TFG: variants seen among roughly 807,000 people sequenced by gnomAD.
TFG encodes the protein protein TFG.
In TFG, 22 loss-of-function variants were observed where a neutral mutation model predicts 51.4. That is an observed-to-expected ratio of 0.43 (90% confidence interval 0.31 to 0.61). The LOEUF is 0.61. TFG is among the 20% of genes least tolerant of loss of function. The pLI, the probability that TFG is intolerant of heterozygous loss-of-function variation, is 0.12. For synonymous variants in TFG, 187 were observed against 165.6 expected (o/e 1.13, Z -0.99); for missense variants, 419 against 487.7 (o/e 0.86, Z 1.33).
intron 3 of TFG, among the ~76,000 whole-genome samples, chr3:100,724,738 C>G (rs952366364): frequency 1.3e-5 from 2 of 152,208 alleles, no homozygotes; most frequent in African/African-American, 4.8e-5. Flanking sequence ...TTAAACACAC[C>G]AGTGTCAAAA....
intron 3 of TFG, among the ~76,000 whole-genome samples, chr3:100,726,504 T>G (rs2095076376): frequency 6.6e-6 from 1 of 152,220 alleles, no homozygotes; most frequent in Non-Finnish European, 1.5e-5. Context: ...CTTAATTAAT[T>G]TAAACTTAGC....
At chr3:100,743,685 C>T (rs1279258168) in intron 6 of TFG, 1 of 152,010 alleles carries the variant, frequency 6.6e-6, no homozygotes, top group East Asian at 1.9e-4. Flanking sequence ...GCACTAAAAA[C>T]TTAGACACGT....
At position 100,713,641 on chromosome 3, in the gene TFG, AG is replaced by A. The variant is rs759794499; in HGVS notation, c.-43-1del. The A allele has an allele frequency of 3.7e-5, 50 of 1,345,604 alleles. No homozygotes were observed. The Admixed American group carries it at 1.2e-3, about 32-fold the overall frequency. The allele number at this position is 1,345,604 out of a possible 1,614,324, so 83.4% of individuals were successfully genotyped here. A position where few individuals can be genotyped will look rare whatever the true frequency, so the allele number is the denominator to read the frequency against. ...TTTAATTATCAAAACCACTTTTATC[AG>A]TCTTTCTCTAGAGTTGTATATATAG... On this transcript the variant is annotated splice_acceptor_variant, in intron 1 of 7. Coordinates refer to ENST00000240851, the MANE Select transcript of TFG (RefSeq NM_006070.6). LOFTEE classifies it low-confidence loss of function (5UTR_SPLICE).
chr3:100,725,492 G>C (rs2095072601), intron 3 of TFG, among the ~76,000 whole-genome samples: 1 of 151,370 alleles, frequency 6.6e-6, no homozygotes, highest in South Asian at 2.1e-4. Flanking sequence ...AAAATACTAA[G>C]ATTTGGCCAG....
rs141786985 is a variant in TFG, at chr3:100,736,616, C to G, written c.621C>G (p.Pro207=). The G allele has an allele frequency of 5.6e-6, 9 of 1,613,918 alleles. No individual in the cohort carries two copies. Among genetic ancestry groups the G allele is most frequent in the East Asian group, 2.2e-5 (1 of 44,868 alleles). The change falls in exon 6 of 8, where the codon CCC becomes CCG. Residue 207 remains proline, a synonymous_variant. Transcript: ENST00000240851. ...SAPAEDRSGT[P]DSIASSSSAA... The stretch of plus-strand genomic sequence containing the variant: ...CTGCAGAAGATCGTTCAGGAACACC[C>G]GACAGCATTGCTTCCTCCTCCTCAG...
chr3:100,710,790 A>T (rs770911064), intron 1 of TFG, among the ~76,000 whole-genome samples: 2 of 152,220 alleles, frequency 1.3e-5, no homozygotes, highest in Non-Finnish European at 2.9e-5. Flanking sequence ...ATGGGAGAAG[A>T]GCTTGTCGTA....
chr3:100,723,233 A>AT (rs1314062130), intron 3 of TFG, among the ~76,000 whole-genome samples: 1 of 152,174 alleles, frequency 6.6e-6, no homozygotes, highest in Admixed American at 6.5e-5. Context: ...TTACCTTTAG[A>AT]TTTTTTTAAT....
At chr3:100,732,186 A>G (rs1270612967) in intron 4 of TFG, among the ~76,000 whole-genome samples, 1 of 152,110 alleles carries the variant, frequency 6.6e-6, no homozygotes, top group East Asian at 1.9e-4. Flanking sequence ...TTGGGCTCCA[A>G]AAAAACCAAA....
intron 2 of TFG, 24 bp from the exon 3 acceptor site, chr3:100,719,951 A>C: frequency 2.8e-6 from 4 of 1,407,850 alleles, no homozygotes; most frequent in Non-Finnish European, 3.9e-6. Flanking sequence ...TTAAAAAACA[A>C]CCTTTTTTTT....
Position 100,718,215 on chromosome 3 carries a change from GT to G in TFG, c.185-1759del, listed in dbSNP as rs2095051513. Among the ~76,000 whole-genome samples the G allele has an allele frequency of 2.0e-5, 3 of 152,188 alleles. No individual in the cohort carries two copies. In the South Asian group the frequency reaches 6.2e-4, roughly 32 times the overall value. On this transcript the variant is annotated intron_variant, in intron 2 of 7. Transcript: ENST00000240851. Reference sequence around the variant, plus strand: ...GTACTGAGATTACAGGCATGAGCCAGTGTGCCTGGCCTTTAACTGCCTTTTT... The same window carrying G: ...GTACTGAGATTACAGGCATGAGCCAGGTGCCTGGCCTTTAACTGCCTTTTT...
chr3:100,748,845 G>A lies in TFG; in HGVS notation c.*314G>A. On this transcript the variant is annotated 3_prime_UTR_variant, in exon 8 of 8. Coordinates refer to ENST00000240851, the MANE Select transcript of TFG (RefSeq NM_006070.6). ...TATTAAAATGCTAGGGTGAGGTTTA[G>A]CCATCTTACTTGGCTTTTTACTATT... is the stretch of plus-strand genomic sequence containing the variant. 1 of 294,168 alleles carries A rather than the reference G, an allele frequency of 3.4e-6. No homozygotes were observed. Among genetic ancestry groups the A allele is most frequent in the South Asian group, 9.9e-5 (1 of 10,148 alleles). 18.2% of individuals were successfully genotyped at this position (294,168 alleles called of 1,614,324 possible).
At chr3:100,739,392 T>TA (rs569645200) in intron 6 of TFG, among the ~76,000 whole-genome samples, 9 of 150,752 alleles carry the variant, frequency 6.0e-5, no homozygotes, top group South Asian at 4.2e-4. Context: ...TGAGCATCAT[T>TA]AAAAAAAAAC....
chr3:100,712,545 A>G (rs2095034035), intron 1 of TFG, among the ~76,000 whole-genome samples: 1 of 152,232 alleles, frequency 6.6e-6, no homozygotes, highest in East Asian at 1.9e-4. Context: ...CAGCGATTAT[A>G]GATAACATTC....
At chr3:100,739,829 T>A (rs2095116449) in intron 6 of TFG, among the ~76,000 whole-genome samples, 1 of 152,218 alleles carries the variant, frequency 6.6e-6, no homozygotes, top group Non-Finnish European at 1.5e-5. Flanking sequence ...TTCTTTTTAA[T>A]ATAACCACCA....
intron 3 of TFG, 37 bp downstream of exon 3, chr3:100,720,095 T>G (rs1243004168): frequency 7.8e-7 from 1 of 1,290,294 alleles, no homozygotes; most frequent in Non-Finnish European, 1.1e-6. Flanking sequence ...TACTATTTTA[T>G]TCATTGTATT....
intron 7 of TFG, among the ~76,000 whole-genome samples, chr3:100,746,620 C>T (rs1576381282): frequency 1.4e-5 from 2 of 142,828 alleles, no homozygotes; most frequent in Admixed American, 1.4e-4. Flanking sequence ...TATATATATA[C>T]ACACACACAC....
chr3:100,746,095 T>G (rs2095134139), intron 7 of TFG, among the ~76,000 whole-genome samples: 2 of 152,210 alleles, frequency 1.3e-5, no homozygotes, highest in Non-Finnish European at 2.9e-5. Context: ...ACATAGAACT[T>G]AAGTTTGGAT....
chr3:100,712,932 A>G (rs1192611729), intron 1 of TFG, among the ~76,000 whole-genome samples: 2 of 152,196 alleles, frequency 1.3e-5, no homozygotes, highest in African/African-American at 2.4e-5. Flanking sequence ...GGGTGAGTGA[A>G]GAAGAGAGGT....
chr3:100,745,769 C>A (rs767723297), intron 7 of TFG, among the ~76,000 whole-genome samples: 8 of 152,140 alleles, frequency 5.3e-5, no homozygotes, highest in African/African-American at 1.9e-4. Context: ...AAAGTATAGC[C>A]CACAGGCCAA....
Sources: allele counts gnomAD v4.1 joint callset (sites outside exome capture counted in the v4.1 genomes callset), GRCh38; gene constraint gnomAD v4.1.1; transcripts MANE v1.5; gene names NCBI Gene and HGNC (gene_info 2026-07-23, HGNC 2026-07-21).